ACSM1: variants seen among roughly 807,000 people sequenced by gnomAD.
ACSM1 encodes the protein acyl-coenzyme A synthetase ACSM1, mitochondrial.
A neutral mutation model predicts 75.8 loss-of-function variants in ACSM1; 79 were observed. The ratio of observed to expected loss-of-function variants is 1.04; its 90% confidence interval spans 0.87 to 1.26. ACSM1 has a LOEUF of 1.26. Among genes scored for constraint, ACSM1 ranks in the 50% most tolerant of loss-of-function variants. The pLI is 0.00. For missense variants in ACSM1, 676 were observed against 720.1 expected (o/e 0.94, Z 0.70); for synonymous variants, 279 against 265.8 (o/e 1.05, Z -0.48).
Position 20,637,427 on chromosome 16 carries a change from C to T in ACSM1, c.1141G>A (p.Gly381Arg). 6.2e-7 allele frequency: 1 copy of T among 1,613,980 alleles called. No individual in the cohort carries two copies. Among genetic ancestry groups the T allele is most frequent in the Non-Finnish European group, 8.5e-7 (1 of 1,179,992 alleles). ...ETGLICATYW[G>R]MKIKPGFMGK... ...ATGAAACCCGGCTTGATCTTCATTC[C>T]CCAGTAGGTGGCACAAATTAGTCCC... Residue 381 changes from glycine (G) to arginine (R), a missense_variant, in exon 9 of 14, where the codon GGA (glycine) becomes AGA (arginine). Physicochemically the swap from Gly to Arg is moderately radical, Grantham distance 125 (BLOSUM62 -2). Coordinates refer to ENST00000520010, the MANE Select transcript of ACSM1 (RefSeq NM_001318890.3).
At position 20,636,603 on chromosome 16, in the gene ACSM1, G is replaced by A. The variant is rs1388057017; in HGVS notation, c.1299+136C>T. The A allele has an allele frequency of 3.0e-5, 20 of 658,458 alleles. No individual in the cohort carries two copies. The East Asian group carries it at 5.2e-4, about 17-fold the overall frequency. 40.8% of individuals were successfully genotyped at this position (658,458 alleles called of 1,614,324 possible). The stretch of plus-strand genomic sequence containing the variant: ...AGGAAAGGATGGGAGAATGCACGGT[G>A]AGCTTCGAGTTGAATGAAAACTCAT... On this transcript the variant is annotated intron_variant, in intron 10 of 13. Coordinates refer to ENST00000520010, the MANE Select transcript of ACSM1 (RefSeq NM_001318890.3).
chr16:20,679,976 G>A (rs2079405274), intron 4 of ACSM1: 1 of 152,094 alleles, frequency 6.6e-6, no homozygotes, highest in African/African-American at 2.4e-5. Flanking sequence ...AAAAAAAACA[G>A]AAGCAGTCTG....
At chr16:20,674,900 C>T (rs1428092375) in intron 4 of ACSM1, 4 of 152,244 alleles carry the variant, frequency 2.6e-5, no homozygotes, top group Non-Finnish European at 2.9e-5. Flanking sequence ...CAGGGACCAA[C>T]CACTCATCCA....
intron 1 of ACSM1, among the ~76,000 whole-genome samples, chr16:20,694,942 C>T (rs2079681589): frequency 6.6e-6 from 1 of 152,138 alleles, no homozygotes; most frequent in African/African-American, 2.4e-5. Context: ...CAGAGAAAAC[C>T]ACCCTGATCT....
intron 1 of ACSM1, among the ~76,000 whole-genome samples, chr16:20,692,607 C>G (rs983001203): frequency 6.6e-6 from 1 of 152,046 alleles, no homozygotes; most frequent in Admixed American, 6.5e-5. Flanking sequence ...TCTCCTGGAT[C>G]TGGGAAGGAA....
intron 7 of ACSM1, among the ~76,000 whole-genome samples, chr16:20,650,606 A>G (rs2018593378): frequency 1.3e-5 from 2 of 151,988 alleles, no homozygotes; most frequent in South Asian, 2.1e-4. Context: ...CCTGCCCACA[A>G]GCAGCATGCA....
chr16:20,690,889 G>T, intron 2 of ACSM1, 108 bp downstream of exon 2: 1 of 1,082,578 alleles, frequency 9.2e-7, no homozygotes, highest in Non-Finnish European at 1.3e-6. Flanking sequence ...ACACTGATAA[G>T]TTGAGGCAGA....
At chr16:20,626,816 T>C (rs1451931462) in intron 11 of ACSM1, among the ~76,000 whole-genome samples, 1 of 152,176 alleles carries the variant, frequency 6.6e-6, no homozygotes, top group Non-Finnish European at 1.5e-5. Context: ...TTAGCTATTA[T>C]TATTACTATG....
At chr16:20,685,862 A>G (rs2152322446) in intron 2 of ACSM1, among the ~76,000 whole-genome samples, 1 of 149,066 alleles carries the variant, frequency 6.7e-6, no homozygotes, top group South Asian at 2.1e-4. Context: ...AACTTATAGC[A>G]TCAGGAGAGG....
At chr16:20,691,376 T>C in intron 1 of ACSM1, 137 bp from the exon 2 acceptor site, 2 of 518,100 alleles carry the variant, frequency 3.9e-6, no homozygotes, top group Non-Finnish European at 6.7e-6. Context: ...CTGATTGATT[T>C]TGGTGGGGAT....
chr16:20,668,376 T>C (rs1370609448), intron 6 of ACSM1, among the ~76,000 whole-genome samples: 1 of 152,140 alleles, frequency 6.6e-6, no homozygotes, highest in Non-Finnish European at 1.5e-5. Flanking sequence ...GCGGAAGAAT[T>C]AGGCATGAGG....
intron 7 of ACSM1, among the ~76,000 whole-genome samples, chr16:20,652,517 A>G (rs2018700008): frequency 6.6e-6 from 1 of 152,116 alleles, no homozygotes; most frequent in African/African-American, 2.4e-5. Flanking sequence ...CCTAAAATAA[A>G]AATGATGGGA....
chr16:20,642,276 AG>A (rs1415790945), intron 7 of ACSM1, among the ~76,000 whole-genome samples: 2 of 152,222 alleles, frequency 1.3e-5, no homozygotes, highest in Non-Finnish European at 2.9e-5. Flanking sequence ...TGTGAGGAAC[AG>A]GAAAGGGAGG....
intron 10 of ACSM1, among the ~76,000 whole-genome samples, chr16:20,628,790 C>A (rs2017157573): frequency 6.6e-6 from 1 of 151,884 alleles, no homozygotes; most frequent in Admixed American, 6.6e-5. Context: ...TTTTGTCGCC[C>A]ATTTTAAATA....
At position 20,669,940 on chromosome 16, in the gene ACSM1, ACAGG is replaced by A. The variant is rs769968540; in HGVS notation, c.795_798del (p.Leu266ArgfsTer14). On this transcript the variant is annotated frameshift_variant, in exon 6 of 14. Coordinates refer to ENST00000520010, the MANE Select transcript of ACSM1 (RefSeq NM_001318890.3). LOFTEE classifies it high-confidence loss of function. ...GTAGCCACAATCCATCCTGAGTCCG[ACAGG>A]CACCAGGAGACATCAGATGTCTTCA... is the stretch of plus-strand genomic sequence containing the variant. 3 of 1,613,790 alleles carry A rather than the reference ACAGG, an allele frequency of 1.9e-6. No homozygotes were observed.
At position 20,697,339 on chromosome 16, in the gene ACSM1, C is replaced by G. The variant is rs116543981; in HGVS notation, c.-52+297G>C. Among the ~76,000 whole-genome samples, 1,286 of 152,220 alleles carry G rather than the reference C, an allele frequency of 8.4e-3. 17 individuals are homozygous for G. Among genetic ancestry groups the G allele is most frequent in the African/African-American group, 0.028 (1,169 of 41,516 alleles). ...TTCATCTCTGACTTTGTGCCTGTCTCCCACGGCTCACCACATTCAGAGCTG... is the reference window on the plus strand; with the variant it reads ...TTCATCTCTGACTTTGTGCCTGTCTGCCACGGCTCACCACATTCAGAGCTG... On this transcript the variant is annotated intron_variant, in intron 1 of 13. Coordinates refer to ENST00000520010, the MANE Select transcript of ACSM1 (RefSeq NM_001318890.3).
At chr16:20,672,493 TATAA>T (rs1369072218) in intron 4 of ACSM1, among the ~76,000 whole-genome samples, 103 of 111,476 alleles carry the variant, frequency 9.2e-4, no homozygotes, top group African/African-American at 2.9e-3. Context: ...TATATATATA[TATAA>T]AAAACATATT....
At chr16:20,683,793 C>T (rs1474239052) in intron 3 of ACSM1, among the ~76,000 whole-genome samples, 1 of 151,236 alleles carries the variant, frequency 6.6e-6, no homozygotes, top group African/African-American at 2.4e-5. Flanking sequence ...TGGTCTCGAT[C>T]TCCTGACCTC....
chr16:20,666,416 C>A (rs953050666), intron 6 of ACSM1, among the ~76,000 whole-genome samples: 1 of 152,034 alleles, frequency 6.6e-6, no homozygotes, highest in African/African-American at 2.4e-5. Flanking sequence ...ATACATCTAA[C>A]CAAGGAGGTG....
Sources: allele counts gnomAD v4.1 joint callset (sites outside exome capture counted in the v4.1 genomes callset), GRCh38; gene constraint gnomAD v4.1.1; transcripts MANE v1.5; gene names NCBI Gene and HGNC (gene_info 2026-07-23, HGNC 2026-07-21).